The following ALK variants were observed in gnomAD, a reference collection of about 807,000 sequenced individuals.
The protein encoded by ALK is ALK tyrosine kinase receptor.
A neutral mutation model predicts 163.1 loss-of-function variants in ALK; 74 were observed. The ratio of observed to expected loss-of-function variants is 0.45; its 90% CI spans 0.38 to 0.55. The LOEUF (loss-of-function observed/expected upper bound fraction) is 0.55. Ranked by LOEUF, ALK falls within the 20% of genes least tolerant of loss-of-function variation. The pLI, the probability that ALK is intolerant of heterozygous loss-of-function variation, is 0.00. For synonymous variants in ALK, 960 were observed against 843.2 expected, an observed-to-expected ratio of 1.14 and a Z score of -2.40; for missense variants, 2,063 against 2,105.3, an observed-to-expected ratio of 0.98 and a Z score of 0.39.
At chr2:29,307,272 G>A (rs1666551647) in intron 8 of ALK, among the ~76,000 whole-genome samples, 1 of 152,218 alleles carries the variant, frequency 6.6e-6, no homozygotes, top group South Asian at 2.1e-4. Context: ...ACCCCTAAAT[G>A]TAGGAAATGT....
intron 3 of ALK, among the ~76,000 whole-genome samples, chr2:29,633,662 C>T (rs1162089925): frequency 6.6e-6 from 1 of 151,736 alleles, no homozygotes; most frequent in Non-Finnish European, 1.5e-5. Context: ...ATACAATTAA[C>T]ATACCTCTAG....
intron 1 of ALK, among the ~76,000 whole-genome samples, chr2:29,866,543 T>A (rs555440995): frequency 4.6e-5 from 7 of 152,316 alleles, no homozygotes; most frequent in African/African-American, 1.7e-4. Context: ...AAGAGTTTTT[T>A]AATTTCTATG....
At chr2:29,860,392 GAAAAA>G (rs61057760) in intron 1 of ALK, among the ~76,000 whole-genome samples, 1 of 110,398 alleles carries the variant, frequency 9.1e-6, no homozygotes, top group Non-Finnish European at 1.9e-5. Flanking sequence ...AGGAAAGGGA[GAAAAA>G]AAAAAAAAAA....
intron 3 of ALK, among the ~76,000 whole-genome samples, chr2:29,678,893 G>A (rs1677975627): frequency 6.6e-6 from 1 of 151,670 alleles, no homozygotes; most frequent in African/African-American, 2.4e-5. Flanking sequence ...TTGTCAGTTA[G>A]GTTGAGTTAG....
At chr2:29,394,863 G>A (rs1470885478) in intron 4 of ALK, among the ~76,000 whole-genome samples, 1 of 151,952 alleles carries the variant, frequency 6.6e-6, no homozygotes, top group Non-Finnish European at 1.5e-5. Flanking sequence ...CCAAGTCAAT[G>A]CAGTAGGTTT....
At chr2:29,831,814 T>G (rs1047879758) in intron 1 of ALK, among the ~76,000 whole-genome samples, 3 of 152,190 alleles carry the variant, frequency 2.0e-5, no homozygotes, top group African/African-American at 7.2e-5. Context: ...TTAATAGCAC[T>G]CATTATTATA....
At position 29,920,613 on chromosome 2, in the gene ALK, G is replaced by A. The variant is rs542229113; in HGVS notation, c.47C>T (p.Thr16Met). The A allele has an allele frequency of 7.1e-6, 11 of 1,551,548 alleles. 1 individual carries two copies. Among genetic ancestry groups the A allele is most frequent in the South Asian group, 3.5e-5 (3 of 85,406 alleles). ...CCCCATCCCGGAGCCCACAGCTGCC[G>A]TGGAAAGCAGCAGCGGCAGGAGCCA... ...LLWLLPLLLS[T>M]AAVGSGMGTG... The change falls in exon 1 of 29, where the codon ACG becomes ATG. Residue 16 changes from threonine to methionine, a missense_variant. Physicochemically the swap from Thr to Met is moderately conservative, Grantham distance 81 (BLOSUM62 -1). Around this residue, in one of 5 missense-constraint regions of ALK, gnomAD observed 987 missense variants for 939.5 expected, o/e 1.05. Coordinates refer to ENST00000389048, the MANE Select transcript of ALK (RefSeq NM_004304.5).
chr2:29,296,838 A>G (rs747846429), intron 9 of ALK, 50 bp downstream of exon 9: 1 of 1,612,136 alleles, frequency 6.2e-7, no homozygotes, highest in Non-Finnish European at 8.5e-7. Flanking sequence ...TTTCTTTTTC[A>G]TTTTAGCTGA....
At chr2:29,334,100 T>C (rs539546304) in intron 5 of ALK, among the ~76,000 whole-genome samples, 1 of 152,338 alleles carries the variant, frequency 6.6e-6, no homozygotes, top group African/African-American at 2.4e-5. Flanking sequence ...CCTGGGGATC[T>C]AGATCTCACC....
chr2:29,247,117 C>G (rs1408792320), intron 12 of ALK, among the ~76,000 whole-genome samples: 1 of 152,010 alleles, frequency 6.6e-6, no homozygotes, highest in South Asian at 2.1e-4. Flanking sequence ...CAGCGCCTTT[C>G]CCCCGGCCTC....
In ALK at chr2:29,223,373, C is replaced by T. The variant is rs1363291878; in HGVS notation, c.3328G>A (p.Glu1110Lys). Residue 1110 changes from glutamate (E) to lysine (K), a missense_variant, in exon 20 of 29, where the codon GAG becomes AAG. Coordinates refer to ENST00000389048, the MANE Select transcript of ALK (RefSeq NM_004304.5). ...GKTSSISDLK[E>K]VPRKNITLIR... ...AGGGTGATGTTTTTCCGCGGCACCT[C>T]CTTCAGGTCACTGATGGAGGAGGTC... 1.2e-6 allele frequency: 2 copies of T among 1,614,186 alleles called. No homozygotes were observed. Among genetic ancestry groups the T allele is most frequent in the Non-Finnish European group, 1.7e-6 (2 of 1,180,056 alleles).
intron 6 of ALK, among the ~76,000 whole-genome samples, chr2:29,327,359 C>T (rs1464977756): frequency 6.6e-6 from 1 of 152,148 alleles, no homozygotes; most frequent in African/African-American, 2.4e-5. Context: ...AAACCACCCA[C>T]AGAGAGGAAG....
At chr2:29,509,671 C>A (rs543008341) in intron 4 of ALK, among the ~76,000 whole-genome samples, 50 of 152,306 alleles carry the variant, frequency 3.3e-4, no homozygotes, top group African/African-American at 9.4e-4. Flanking sequence ...TAGTTGGAAT[C>A]TATATTTCTT....
At chr2:29,578,222 T>A (rs1250001398) in intron 3 of ALK, among the ~76,000 whole-genome samples, 2 of 152,048 alleles carry the variant, frequency 1.3e-5, no homozygotes, top group Non-Finnish European at 2.9e-5. Context: ...TGCCTGCTGC[T>A]GTTCATGTAA....
At chr2:29,283,658 G>A (rs923180522) in intron 9 of ALK, among the ~76,000 whole-genome samples, 13 of 152,070 alleles carry the variant, frequency 8.5e-5, no homozygotes, top group African/African-American at 2.9e-4. Context: ...ATAGTTGGTG[G>A]GGCCCTGGGC....
chr2:29,526,325 C>T (rs1672959412), intron 4 of ALK, among the ~76,000 whole-genome samples: 1 of 152,162 alleles, frequency 6.6e-6, no homozygotes, highest in Non-Finnish European at 1.5e-5. Context: ...TCCAAGAATA[C>T]TTAGAGCTCA....
chr2:29,330,180 G>C (rs1667397887), intron 5 of ALK, among the ~76,000 whole-genome samples: 1 of 152,166 alleles, frequency 6.6e-6, no homozygotes, highest in Non-Finnish European at 1.5e-5. Flanking sequence ...CCTTTCACCT[G>C]CTCTTCAAGG....
intron 4 of ALK, among the ~76,000 whole-genome samples, chr2:29,450,353 C>A (rs1471804849): frequency 6.6e-6 from 1 of 152,096 alleles, no homozygotes; most frequent in Non-Finnish European, 1.5e-5. Context: ...AGAACATTTG[C>A]GGTCCCAATT....
intron 4 of ALK, among the ~76,000 whole-genome samples, chr2:29,504,663 G>T (rs1051616158): frequency 6.6e-6 from 1 of 152,118 alleles, no homozygotes; most frequent in African/African-American, 2.4e-5. Context: ...CTTGAACAAG[G>T]AGAGAGGCAG....
Sources: gnomAD v4.1 joint callset for allele counts (sites outside exome capture counted in the v4.1 genomes callset) on GRCh38, gnomAD v4.1.1 for gene constraint, gnomAD v4.1.1 regional missense constraint, MANE v1.5 for transcripts, NCBI Gene and HGNC (gene_info 2026-07-23, HGNC 2026-07-21) for gene names.